The following GPC5 variants were observed in gnomAD, a reference collection of about 807,000 sequenced individuals.
GPC5 encodes the protein glypican-5.
In GPC5, 47 loss-of-function variants were observed where a neutral mutation model predicts 53.9. The ratio of observed to expected loss-of-function variants is 0.87; its 90% CI spans 0.69 to 1.11. The LOEUF (loss-of-function observed/expected upper bound fraction) is 1.11. GPC5 is among the 50% of genes most tolerant of loss of function. The probability of loss-of-function intolerance (pLI) is 0.00; values close to 1 mark genes in which losing one functional copy is unlikely to be tolerated. For synonymous variants in GPC5, 286 were observed against 263.3 expected (o/e 1.09, Z -0.84); for missense variants, 748 against 713.1 (o/e 1.05, Z -0.56).
At chr13:92,823,915 G>C (rs1413276310) in intron 7 of GPC5, among the ~76,000 whole-genome samples, 1 of 151,742 alleles carries the variant, frequency 6.6e-6, no homozygotes, top group Non-Finnish European at 1.5e-5. Context: ...AATTTCCCCA[G>C]ACCAACATCA....
chr13:91,877,058 G>A (rs1437413340), intron 5 of GPC5, among the ~76,000 whole-genome samples: 1 of 152,204 alleles, frequency 6.6e-6, no homozygotes, highest in Non-Finnish European at 1.5e-5. Context: ...GTACACAAAA[G>A]TCAAGAATTG....
intron 2 of GPC5, among the ~76,000 whole-genome samples, chr13:91,466,792 AT>A (rs1375131368): frequency 6.6e-6 from 1 of 152,102 alleles, no homozygotes; most frequent in Non-Finnish European, 1.5e-5. Flanking sequence ...TCAGGGACTG[AT>A]TTACAATGTC....
chr13:92,021,376 A>C (rs1594728072), intron 6 of GPC5, among the ~76,000 whole-genome samples: 1 of 152,248 alleles, frequency 6.6e-6, no homozygotes, highest in South Asian at 2.1e-4. Context: ...AGCCAGTCAC[A>C]GAAAGACAAA....
At chr13:92,051,462 A>G (rs1006175369) in intron 6 of GPC5, among the ~76,000 whole-genome samples, 5 of 151,526 alleles carry the variant, frequency 3.3e-5, no homozygotes, top group African/African-American at 1.2e-4. Context: ...AGCCTCCCAA[A>G]GTGCCGGGAT....
At chr13:92,251,538 C>A (rs908771751) in intron 7 of GPC5, among the ~76,000 whole-genome samples, 3 of 150,400 alleles carry the variant, frequency 2.0e-5, no homozygotes, top group Non-Finnish European at 4.5e-5. Context: ...AGGATGTCAC[C>A]CCACCGATTT....
At chr13:92,854,758 T>C (rs1394595851) in intron 7 of GPC5, among the ~76,000 whole-genome samples, 1 of 152,022 alleles carries the variant, frequency 6.6e-6, no homozygotes, top group Non-Finnish European at 1.5e-5. Context: ...GTTTGTTTTT[T>C]GAGTCGAGTT....
intron 7 of GPC5, among the ~76,000 whole-genome samples, chr13:92,811,904 A>C (rs937052967): frequency 6.6e-6 from 1 of 152,088 alleles, no homozygotes; most frequent in Non-Finnish European, 1.5e-5. Context: ...TCAAAAATCA[A>C]TTGACCATAA....
intron 6 of GPC5, among the ~76,000 whole-genome samples, chr13:91,978,327 C>T (rs763403372): frequency 1.3e-5 from 2 of 152,204 alleles, no homozygotes; most frequent in South Asian, 2.1e-4. Flanking sequence ...TTTATTTACT[C>T]ATTGTAGCAA....
At position 91,620,506 on chromosome 13, in the gene GPC5, A is replaced by G. The variant is rs74107722; in HGVS notation, c.326-72681A>G. Among the ~76,000 whole-genome samples, 1,070 of 152,298 alleles carry G rather than the reference A, an allele frequency of 7.0e-3. 12 individuals are homozygous for G. The highest frequency in any genetic ancestry group is 0.024 in the African/African-American group (1,009 of 41,582). On this transcript the variant is annotated intron_variant, in intron 2 of 7. Coordinates refer to ENST00000377067, the MANE Select transcript of GPC5 (RefSeq NM_004466.6). Reference sequence around the variant, plus strand: ...GAAGATTGGGCTACAATTTCTAGTTATCACCATCATATGGCAACCAATCTG... The same window carrying G: ...GAAGATTGGGCTACAATTTCTAGTTGTCACCATCATATGGCAACCAATCTG...
chr13:91,560,290 G>A (rs60242438), intron 2 of GPC5, among the ~76,000 whole-genome samples: 82 of 152,218 alleles, frequency 5.4e-4, no homozygotes, highest in African/African-American at 2.0e-3. Flanking sequence ...TAAGGCATTG[G>A]GAAATACATT....
intron 6 of GPC5, among the ~76,000 whole-genome samples, chr13:92,030,895 A>C (rs903712415): frequency 9.9e-5 from 15 of 152,132 alleles, no homozygotes; most frequent in African/African-American, 3.6e-4. Context: ...CTTTTTGCCC[A>C]ATAAATTCCA....
intron 7 of GPC5, among the ~76,000 whole-genome samples, chr13:92,316,835 G>A (rs1053331715): frequency 1.3e-5 from 2 of 151,966 alleles, no homozygotes; most frequent in Non-Finnish European, 2.9e-5. Flanking sequence ...TATGTTTTTT[G>A]TTGCAAGTTA....
intron 7 of GPC5, among the ~76,000 whole-genome samples, chr13:92,335,891 T>A (rs1057112776): frequency 6.6e-5 from 10 of 152,170 alleles, no homozygotes; most frequent in African/African-American, 2.4e-4. Context: ...CTTTCCAACC[T>A]CTTCATGTCT....
Position 91,674,400 on chromosome 13 carries a change from C to T in GPC5, c.326-18787C>T, listed in dbSNP as rs200980480. 3.3e-3 allele frequency among the ~76,000 whole-genome samples: 462 copies of T among 139,932 alleles called. 7 individuals are homozygous for T. The highest frequency in any genetic ancestry group is 0.012 in the African/African-American group (442 of 36,424). The allele number at this position is 139,932 out of a possible 152,430, so 91.8% of individuals were successfully genotyped here. A position where few individuals can be genotyped will look rare whatever the true frequency, so the allele number is the denominator to read the frequency against. On this transcript the variant is annotated intron_variant, in intron 2 of 7. Coordinates refer to ENST00000377067, the MANE Select transcript of GPC5 (RefSeq NM_004466.6). ...CATTATATATATATATACACACACA[C>T]ATATATATATATACACACACACATA... is the stretch of plus-strand genomic sequence containing the variant.
intron 7 of GPC5, among the ~76,000 whole-genome samples, chr13:92,501,946 A>G (rs945881915): frequency 2.0e-5 from 3 of 152,154 alleles, no homozygotes; most frequent in Non-Finnish European, 4.4e-5. Context: ...CTCTGAAAGA[A>G]TTGCCAAAGG....
chr13:91,425,535 C>G (rs1158575122), intron 1 of GPC5, among the ~76,000 whole-genome samples: 2 of 152,156 alleles, frequency 1.3e-5, no homozygotes. Context: ...GTTCACTGTT[C>G]TCTCTTTCTC....
chr13:92,396,500 T>G (rs539435748), intron 7 of GPC5, among the ~76,000 whole-genome samples: 25 of 140,472 alleles, frequency 1.8e-4, no homozygotes, highest in South Asian at 6.5e-4. Context: ...GTTTTTTGTG[T>G]TTTTTTTTTT....
intron 3 of GPC5, among the ~76,000 whole-genome samples, chr13:91,711,411 A>C (rs9560839): frequency 6.6e-6 from 1 of 150,694 alleles, no homozygotes; most frequent in East Asian, 2.0e-4. Flanking sequence ...CAATGAGAAC[A>C]CTTGGACACA....
At chr13:92,174,082 G>A (rs1371218037) in intron 7 of GPC5, among the ~76,000 whole-genome samples, 7 of 152,096 alleles carry the variant, frequency 4.6e-5, no homozygotes, top group African/African-American at 1.7e-4. Context: ...TCTAGCCTGG[G>A]TGACTGAGTG....
Sources: allele counts gnomAD v4.1 joint callset (sites outside exome capture counted in the v4.1 genomes callset), GRCh38; gene constraint gnomAD v4.1.1; transcripts MANE v1.5; gene names NCBI Gene and HGNC (gene_info 2026-07-23, HGNC 2026-07-21).